Variants in CDH2 observed in about 807,000 individuals in gnomAD.
CDH2 encodes the protein cadherin 2, also known as cadherin-2.
CDH2 carries 17 observed loss-of-function variants against 92.0 expected under a neutral mutation model. That is an observed-to-expected ratio of 0.18 (90% CI 0.13 to 0.28). The LOEUF is 0.28. Ranked by LOEUF, CDH2 falls within the 10% of genes least tolerant of loss-of-function variation. The probability of loss-of-function intolerance (pLI) is 1.00; values close to 1 mark genes in which losing one functional copy is unlikely to be tolerated. For missense variants in CDH2, 862 were observed against 1,133.1 expected, an observed-to-expected ratio of 0.76 and a Z score of 3.44; for synonymous variants, 419 against 415.9, an observed-to-expected ratio of 1.01 and a Z score of -0.09.
intron 6 of CDH2, among the ~76,000 whole-genome samples, chr18:27,935,806 A>C (rs184744027): frequency 6.5e-4 from 99 of 152,354 alleles, no homozygotes; most frequent in Non-Finnish European, 1.1e-3. Flanking sequence ...GCTAAAGTAC[A>C]ATGTGAAATA....
intron 2 of CDH2, among the ~76,000 whole-genome samples, chr18:28,022,514 T>C (rs1159789864): frequency 6.6e-6 from 1 of 152,054 alleles, no homozygotes; most frequent in Non-Finnish European, 1.5e-5. Context: ...AACGAAAACT[T>C]TATTAACAAG....
At chr18:28,034,845 C>T (rs1040592457) in intron 2 of CDH2, among the ~76,000 whole-genome samples, 14 of 151,964 alleles carry the variant, frequency 9.2e-5, no homozygotes, top group South Asian at 2.1e-4. Context: ...CAATACTACC[C>T]GTACTTCAAG....
At chr18:28,044,800 T>C (rs577040244) in intron 2 of CDH2, among the ~76,000 whole-genome samples, 8 of 152,028 alleles carry the variant, frequency 5.3e-5, no homozygotes, top group Non-Finnish European at 8.8e-5. Context: ...GAAGATAATA[T>C]CTTGTTCCTA....
At chr18:27,987,796 T>TA (rs1216279558) in intron 11 of CDH2, among the ~76,000 whole-genome samples, 1 of 152,130 alleles carries the variant, frequency 6.6e-6, no homozygotes, top group African/African-American at 2.4e-5. Context: ...AGGAAACAGA[T>TA]ATATTTAAAA....
At chr18:28,108,911 C>G (rs1200956690) in intron 2 of CDH2, among the ~76,000 whole-genome samples, 2 of 152,104 alleles carry the variant, frequency 1.3e-5, no homozygotes, top group African/African-American at 2.4e-5. Context: ...CCTGGCAAAT[C>G]ATGAAAGGCA....
At position 28,152,703 on chromosome 18, in the gene CDH2, G is replaced by C. The variant is rs563186506; in HGVS notation, c.61-4919C>G. The stretch of plus-strand genomic sequence containing the variant: ...GGCCTGGGGTTATCCTGTTGGCTGG[G>C]GGAGCCAGGGACAGATTTTAAGCAC... On this transcript the variant is annotated intron_variant, in intron 1 of 15. Transcript: ENST00000269141. Among the ~76,000 whole-genome samples, 74 of 152,302 alleles carry C rather than the reference G, an allele frequency of 4.9e-4. No individual in the cohort carries two copies. In the South Asian group the frequency reaches 0.015, roughly 32 times the overall value.
At chr18:28,103,140 TTATATA>T (rs953567114) in intron 2 of CDH2, among the ~76,000 whole-genome samples, 1 of 140,068 alleles carries the variant, frequency 7.1e-6, no homozygotes, top group Non-Finnish European at 1.5e-5. Flanking sequence ...AATAAACTCC[TTATATA>T]TATATATAAA....
chr18:27,981,200 G>A (rs565260918), intron 14 of CDH2, among the ~76,000 whole-genome samples: 1 of 152,186 alleles, frequency 6.6e-6, no homozygotes, highest in African/African-American at 2.4e-5. Context: ...TGGGTTTTAG[G>A]TTTATGCCTT....
rs751608409 is a variant in CDH2, at chr18:28,147,783, G to A, written c.62C>T (p.Ala21Val). The A allele has an allele frequency of 2.9e-5, 45 of 1,559,872 alleles. No individual in the cohort carries two copies. Among genetic ancestry groups the A allele is most frequent in the Middle Eastern group, 1.7e-4 (1 of 5,872 alleles). Residue 21 changes from alanine (A) to valine (V), a missense_variant and splice_region_variant, in exon 2 of 16, where the codon GCG becomes GTG. Physicochemically the swap from Ala to Val is moderately conservative, Grantham distance 64 (BLOSUM62 0). Coordinates refer to ENST00000269141, the MANE Select transcript of CDH2 (RefSeq NM_001792.5). ...LLPLLAALLQASVEASGEIAL... is the reference protein window; with the variant it reads ...LLPLLAALLQVSVEASGEIAL... ...GATTTCACCAGAAGCCTCTACAGAC[G>A]CCTGCAACACAAGAAAAAAAAAAAA...
rs76371661 is a variant in CDH2, at chr18:28,169,090, C to T, written c.60+7873G>A. On this transcript the variant is annotated intron_variant, in intron 1 of 15. Transcript: ENST00000269141. The stretch of plus-strand genomic sequence containing the variant: ...TGAACTGAAACATAATAGTTTCCTT[C>T]CCTGAAATTAAAAATACTTAATTTC... Among the ~76,000 whole-genome samples the T allele has an allele frequency of 3.3e-4, 50 of 152,228 alleles. 1 individual carries two copies. In the East Asian group the frequency reaches 6.0e-3, roughly 18 times the overall value.
chr18:28,156,439 T>TACAGC lies in CDH2; in HGVS notation c.61-8656_61-8655insGCTGT, dbSNP rs1187463431. Among the ~76,000 whole-genome samples the TACAGC allele has an allele frequency of 2.3e-3, 337 of 145,666 alleles. 3 individuals are homozygous for TACAGC. Among genetic ancestry groups the TACAGC allele is most frequent in the Non-Finnish European group, 2.7e-3 (183 of 67,572 alleles). Reference sequence around the variant, plus strand: ...AGGTACAGAATGTCACCTTCCCAGGTATAGCATGTCACCTTCCCAGGTACA... The same window carrying TACAGC: ...AGGTACAGAATGTCACCTTCCCAGGTACAGCATAGCATGTCACCTTCCCAGGTACA... On this transcript the variant is annotated intron_variant, in intron 1 of 15. Coordinates refer to ENST00000269141, the MANE Select transcript of CDH2 (RefSeq NM_001792.5).
At chr18:28,156,705 C>CAGCATGTCACCTTCCCAGGTAT (rs1568020619) in intron 1 of CDH2, among the ~76,000 whole-genome samples, 1 of 86,168 alleles carries the variant, frequency 1.2e-5, no homozygotes, top group Admixed American at 1.1e-4. Context: ...TTCCCAGGTA[C>CAGCATGTCACCTTCCCAGGTAT]AGCATGTCAC....
chr18:27,950,023 T>C (rs11564321), downstream of CDH2, among the ~76,000 whole-genome samples: 7,376 of 152,084 alleles, frequency 0.048, 615 homozygotes, highest in African/African-American at 0.17. Context: ...TACAACAGCA[T>C]GGAGGCACAG....
intron 2 of CDH2, among the ~76,000 whole-genome samples, chr18:28,038,422 A>AGTGTGTGTGTGTGTGTGT (rs57601293): frequency 7.0e-6 from 1 of 142,274 alleles, no homozygotes; most frequent in African/African-American, 2.6e-5. Flanking sequence ...CCTTGTCTCA[A>AGTGTGTGTGTGTGTGTGT]GTGTGTGTGT....
chr18:27,979,845 G>A, intron 14 of CDH2, among the ~76,000 whole-genome samples: 1 of 152,184 alleles, frequency 6.6e-6, no homozygotes, highest in East Asian at 1.9e-4. Flanking sequence ...GAAGCTTCTA[G>A]GGTGCTGGAA....
intron 1 of CDH2, among the ~76,000 whole-genome samples, chr18:28,175,753 A>C (rs1291521249): frequency 2.0e-5 from 3 of 152,182 alleles, no homozygotes; most frequent in Non-Finnish European, 4.4e-5. Flanking sequence ...CGGGGCTGCC[A>C]GCTGGCAGTA....
intron 15 of CDH2, among the ~76,000 whole-genome samples, chr18:27,952,858 AAC>A: frequency 6.6e-6 from 1 of 152,290 alleles, no homozygotes; most frequent in East Asian, 1.9e-4. Context: ...CAAGTGACAA[AAC>A]TATGAAGTCA....
At chr18:27,982,879 C>T in intron 14 of CDH2, 65 bp downstream of exon 14, 2 of 1,098,678 alleles carry the variant, frequency 1.8e-6, no homozygotes, top group Non-Finnish European at 2.6e-6. Flanking sequence ...GATGTATTAA[C>T]ACTTCCCACT....
At chr18:28,065,889 C>G (rs2014497128) in intron 2 of CDH2, among the ~76,000 whole-genome samples, 1 of 152,060 alleles carries the variant, frequency 6.6e-6, no homozygotes, top group Admixed American at 6.6e-5. Context: ...CTAAGAAGAC[C>G]ACAACATTAA....
Sources: allele counts gnomAD v4.1 joint callset (sites outside exome capture counted in the v4.1 genomes callset), GRCh38; gene constraint gnomAD v4.1.1; transcripts MANE v1.5; gene names NCBI Gene and HGNC (gene_info 2026-07-23, HGNC 2026-07-21).